The following IL17RD variants were observed in gnomAD, a reference collection of about 807,000 sequenced individuals.
The protein encoded by IL17RD is interleukin-17 receptor D.
Under a neutral mutation model 80.5 loss-of-function variants are expected in IL17RD, and 52 were observed. That is an observed-to-expected ratio of 0.65 (90% confidence interval 0.52 to 0.81). The LOEUF (loss-of-function observed/expected upper bound fraction) is 0.81, where lower values mean the gene tolerates loss of function less well. IL17RD is among the 40% of genes least tolerant of loss of function. The pLI is 0.00. For synonymous variants in IL17RD, 416 were observed against 391.8 expected (o/e 1.06, Z -0.73); for missense variants, 1,024 against 955.1 (o/e 1.07, Z -0.95).
In IL17RD at chr3:57,098,419, G is replaced by A. The variant is rs1330340377; in HGVS notation, c.1284C>T (p.Tyr428=). The A allele has an allele frequency of 6.2e-7, 1 of 1,613,864 alleles. No homozygotes were observed. The change falls in exon 12 of 13, where the codon TAC becomes TAT. Residue 428 remains tyrosine, a synonymous_variant. Coordinates refer to ENST00000296318, the MANE Select transcript of IL17RD (RefSeq NM_017563.5). ...GTTTGTAGTTCTTCTTGTCCACAAA[G>A]TACTTCATACCTTTGGAACAAACCA... ...IIVVCSKGMK[Y]FVDKKNYKHK... is the part of the protein sequence containing the mutation.
At chr3:57,106,075 T>C in intron 6 of IL17RD, 35 bp downstream of exon 6, 2 of 1,611,562 alleles carry the variant, frequency 1.2e-6, no homozygotes, top group Non-Finnish European at 1.7e-6. Flanking sequence ...GTGGCGATAC[T>C]TTGAGACTTG....
intron 1 of IL17RD, among the ~76,000 whole-genome samples, chr3:57,161,654 A>C (rs2060305938): frequency 6.6e-6 from 1 of 152,226 alleles, no homozygotes; most frequent in East Asian, 1.9e-4. Context: ...AAAGCCACTA[A>C]ATACAAACCT....
At chr3:57,111,048 C>T (rs752483464) in intron 3 of IL17RD, among the ~76,000 whole-genome samples, 1 of 152,218 alleles carries the variant, frequency 6.6e-6, no homozygotes, top group Non-Finnish European at 1.5e-5. Context: ...TAAGCTCTGA[C>T]GGTCACAAGC....
chr3:57,130,964 C>T (rs1476588698), intron 1 of IL17RD, among the ~76,000 whole-genome samples: 1 of 152,218 alleles, frequency 6.6e-6, no homozygotes, highest in Non-Finnish European at 1.5e-5. Flanking sequence ...AGCAATTAGA[C>T]CCTTCCCAGG....
At chr3:57,108,636 C>T (rs893572119) in intron 5 of IL17RD, among the ~76,000 whole-genome samples, 2 of 151,174 alleles carry the variant, frequency 1.3e-5, no homozygotes, top group Admixed American at 6.6e-5. Flanking sequence ...CTGTCGCAGC[C>T]TCCTGAGTAG....
chr3:57,096,008 G>C lies in IL17RD; in HGVS notation c.*385C>G, dbSNP rs1341887773. 5.7e-6 allele frequency: 1 copy of C among 174,216 alleles called. No individual in the cohort carries two copies. The highest frequency in any genetic ancestry group is 2.4e-5 in the African/African-American group (1 of 42,292). 10.8% of individuals were successfully genotyped at this position (174,216 alleles called of 1,614,324 possible). On this transcript the variant is annotated 3_prime_UTR_variant, in exon 13 of 13. Coordinates refer to ENST00000296318, the MANE Select transcript of IL17RD (RefSeq NM_017563.5). ...TTTTTCACAAAGCATTTCAAATCAA[G>C]GTAGCCAATAGCAAACAGGCAAAGT...
Position 57,110,270 on chromosome 3 carries a change from G to T in IL17RD, c.352C>A (p.Leu118Met). ...TGGCACTGTCTTCCCTCCGACTTCA[G>T]CTCCTCCAGTATTACCCGAAATCCT... ...LKGFRVILEE[L>M]KSEGRQCQQL... The change falls in exon 4 of 13, where the codon CTG becomes ATG. Residue 118 changes from leucine to methionine, a missense_variant. Coordinates refer to ENST00000296318, the MANE Select transcript of IL17RD (RefSeq NM_017563.5). The T allele has an allele frequency of 6.2e-7, 1 of 1,609,112 alleles. No homozygotes were observed. The highest frequency in any genetic ancestry group is 2.2e-5 in the East Asian group (1 of 44,814).
At chr3:57,170,290 G>A (rs1481768126), upstream of IL17RD, 3 of 152,284 alleles carry the variant, frequency 2.0e-5, no homozygotes, top group African/African-American at 7.2e-5. Context: ...TTTTCCCGGA[G>A]GAAAAGAAGA....
At chr3:57,160,171 CAA>C (rs889277717) in intron 1 of IL17RD, among the ~76,000 whole-genome samples, 1 of 151,638 alleles carries the variant, frequency 6.6e-6, no homozygotes, top group African/African-American at 2.4e-5. Context: ...AACTCCGTCT[CAA>C]AAAAAGAGGC....
chr3:57,146,901 T>A (rs1454821365), intron 1 of IL17RD, among the ~76,000 whole-genome samples: 10 of 130,098 alleles, frequency 7.7e-5, no homozygotes, highest in African/African-American at 3.8e-4. Flanking sequence ...CACTGCAACC[T>A]ATCTATGCCT....
intron 1 of IL17RD, among the ~76,000 whole-genome samples, chr3:57,148,206 T>C (rs998861944): frequency 6.7e-6 from 1 of 149,294 alleles, no homozygotes; most frequent in Non-Finnish European, 1.5e-5. Flanking sequence ...ACGCCTGTAA[T>C]CTCAGCTACT....
chr3:57,132,116 G>A (rs766860116), intron 1 of IL17RD, among the ~76,000 whole-genome samples: 2 of 150,916 alleles, frequency 1.3e-5, no homozygotes, highest in Non-Finnish European at 3.0e-5. Context: ...AGCCAAGGAG[G>A]TTGTGACCGT....
chr3:57,109,614 T>A lies in IL17RD; in HGVS notation c.473A>T (p.Asp158Val), dbSNP rs1302772808. ...QPFLNMKFETDYFVKVVPFPS... is the reference protein window; with the variant it reads ...QPFLNMKFETVYFVKVVPFPS... ...AAAAGGGACAACCTTTACGAAATAA[T>A]CCGTTTCAAATTTCATATTCAGGAA... The change falls in exon 5 of 13, where the codon GAT becomes GTT. Residue 158 changes from aspartate to valine, a missense_variant. By Grantham distance (152) the Asp-to-Val change is radical. Coordinates refer to ENST00000296318, the MANE Select transcript of IL17RD (RefSeq NM_017563.5). 1.2e-6 allele frequency: 2 copies of A among 1,613,246 alleles called. No homozygotes were observed. Among genetic ancestry groups the A allele is most frequent in the Non-Finnish European group, 1.7e-6 (2 of 1,179,366 alleles).
At chr3:57,169,225 G>A, upstream of IL17RD, 2 of 518,518 alleles carry the variant, frequency 3.9e-6, no homozygotes, top group Non-Finnish European at 7.7e-6. Context: ...ACAACACTTG[G>A]TCTCACCTGC....
upstream of IL17RD, among the ~76,000 whole-genome samples, chr3:57,165,731 A>G (rs2060345265): frequency 1.3e-5 from 2 of 152,130 alleles, no homozygotes; most frequent in African/African-American, 2.4e-5. Flanking sequence ...CCAACCACAC[A>G]AGGAAGTGTA....
chr3:57,126,233 CG>C (rs2107506169), intron 1 of IL17RD, among the ~76,000 whole-genome samples: 1 of 152,324 alleles, frequency 6.6e-6, no homozygotes, highest in East Asian at 1.9e-4. Context: ...GCTGCACTAA[CG>C]GGTAGCTTTT....
intron 10 of IL17RD, among the ~76,000 whole-genome samples, chr3:57,102,115 A>T (rs148649248): frequency 0.013 from 1,935 of 152,158 alleles, 22 homozygotes; most frequent in African/African-American, 0.027. Context: ...ATTTTTTTTT[A>T]AAATTAGCCA....
intron 1 of IL17RD, among the ~76,000 whole-genome samples, chr3:57,154,309 C>A (rs868584340): frequency 1.3e-5 from 2 of 149,262 alleles, no homozygotes; most frequent in Non-Finnish European, 3.0e-5. Flanking sequence ...CACATACATA[C>A]ACGTCATAAA....
chr3:57,143,432 G>A (rs1707869172), intron 1 of IL17RD, among the ~76,000 whole-genome samples: 1 of 152,208 alleles, frequency 6.6e-6, no homozygotes, highest in Non-Finnish European at 1.5e-5. Flanking sequence ...CCTCAGAGGA[G>A]CCAGTCCTGA....
Sources: gnomAD v4.1 joint callset for allele counts (sites outside exome capture counted in the v4.1 genomes callset) on GRCh38, gnomAD v4.1.1 for gene constraint, MANE v1.5 for transcripts, NCBI Gene and HGNC (gene_info 2026-07-23, HGNC 2026-07-21) for gene names.